TCHH: variants seen among roughly 807,000 people sequenced by gnomAD.
TCHH encodes the protein trichohyalin.
TCHH carries 6 observed loss-of-function variants against 6.3 expected under a neutral mutation model. That is an observed-to-expected ratio of 0.95 (90% CI 0.52 to 1.88). The LOEUF (loss-of-function observed/expected upper bound fraction) is 1.88. Among genes scored for constraint, TCHH ranks in the 40% most tolerant of loss-of-function variants. The pLI, the probability that TCHH is intolerant of heterozygous loss-of-function variation, is 0.01. For missense variants in TCHH, 2,920 were observed against 2,449.1 expected (o/e 1.19, Z -4.06); for synonymous variants, 1,087 against 963.6 (o/e 1.13, Z -2.37).
rs764530129 is a variant in TCHH at position 152,108,215 on chromosome 1, T to C, written c.5002A>G (p.Lys1668Glu). The C allele has an allele frequency of 1.2e-6, 2 of 1,606,578 alleles. No homozygotes were observed. Among genetic ancestry groups the C allele is most frequent in the African/African-American group, 2.8e-5 (2 of 72,610 alleles). ...AGCAGCTGTTCCTCTTCACGGAATT[T>C]TCTGTCGCGGTCGTGACGCAGCTGT... ...EQQLRHDRDRKFREEEQLLQE... is the reference protein window; with the variant it reads ...EQQLRHDRDREFREEEQLLQE... Residue 1668 changes from lysine (K) to glutamate (E), a missense_variant, in exon 3 of 3, where the codon AAA (lysine) becomes GAA (glutamate). By Grantham distance (56) the Lys-to-Glu change is moderately conservative (BLOSUM62 1). Transcript: ENST00000614923.
intron 1 of TCHH, 52 bp from the exon 2 acceptor site, chr1:152,114,163 AAGGCTTCATT>A: frequency 7.4e-7 from 1 of 1,358,184 alleles, no homozygotes; most frequent in Non-Finnish European, 9.9e-7. Context: ...TGCTTTTGGG[AAGGCTTCATT>A]CACACTATTT....
chr1:152,109,301 C>T lies in TCHH; in HGVS notation c.3916G>A (p.Glu1306Lys), dbSNP rs1175537461. ...EEQLEREEQK[E>K]AKRRDRKSQE... ...GACTTCCTGTCGCGCCTTTTGGCTT[C>T]CTTTTGCTCTTCTCGCTCCAGCTGT... The change falls in exon 3 of 3, where the codon GAA (glutamate) becomes AAA (lysine). Residue 1306 changes from glutamate to lysine, a missense_variant. By Grantham distance (56) the Glu-to-Lys change is moderately conservative (BLOSUM62 1). Coordinates refer to ENST00000614923, the MANE Select transcript of TCHH (RefSeq NM_007113.4). The T allele has an allele frequency of 1.2e-6, 2 of 1,614,178 alleles. No homozygotes were observed. The highest frequency in any genetic ancestry group is 1.7e-5 in the Admixed American group (1 of 60,028).
In TCHH at chr1:152,110,832, C is replaced by T. The variant is rs199866326; in HGVS notation, c.2385G>A (p.Glu795=). The T allele has an allele frequency of 2.2e-5, 36 of 1,609,422 alleles. No individual in the cohort carries two copies. The highest frequency in any genetic ancestry group is 2.0e-4 in the Admixed American group (12 of 60,012). ...SARPPLREQR[E]RQLRAEERQQ... ...GGCGCTCCTCGGCCCTCAGCTGCCT[C>T]TCCCGCTGCTCCCGCAATGGGGGCC... The change falls in exon 3 of 3, where the codon GAG becomes GAA. Residue 795 remains glutamate (E), a synonymous_variant. Coordinates refer to ENST00000614923, the MANE Select transcript of TCHH (RefSeq NM_007113.4).
Position 152,114,495 on chromosome 1 carries a change from A to G in TCHH, c.-31-384T>C, listed in dbSNP as rs1177221172. On this transcript the variant is annotated intron_variant, in intron 1 of 2. Transcript: ENST00000614923. Reference sequence around the variant, plus strand: ...TCCTTTAAAGTTGAGCGAAGAGGACAGGTAAAAGCCAAAAGGTGAAGGAAG... The same window carrying G: ...TCCTTTAAAGTTGAGCGAAGAGGACGGGTAAAAGCCAAAAGGTGAAGGAAG... Among the ~76,000 whole-genome samples the G allele has an allele frequency of 2.0e-5, 3 of 152,240 alleles. No homozygotes were observed. In the East Asian group the frequency reaches 5.8e-4, roughly 29 times the overall value.
chr1:152,109,705 C>T lies in TCHH; in HGVS notation c.3512G>A (p.Arg1171His), dbSNP rs754428406. 4 of 1,607,434 alleles carry T rather than the reference C, an allele frequency of 2.5e-6. No individual in the cohort carries two copies. The highest frequency in any genetic ancestry group is 1.7e-5 in the Admixed American group (1 of 59,142). The part of the protein sequence containing the change: ...RRRQELERQY[R>H]EEEELQQEEE... Reference sequence around the variant, plus strand: ...CTCCTGCTGCAGCTCCTCTTCCTCGCGGTATTGCCTCTCCAGCTCCTGGCG... The same window carrying T: ...CTCCTGCTGCAGCTCCTCTTCCTCGTGGTATTGCCTCTCCAGCTCCTGGCG... The change falls in exon 3 of 3, where the codon CGC (arginine) becomes CAC (histidine). Residue 1171 changes from arginine to histidine, a missense_variant. Physicochemically the swap from Arg to His is conservative, Grantham distance 29. Transcript: ENST00000614923.
rs756276855 is a variant in TCHH at position 152,111,863 on chromosome 1, C to T, written c.1354G>A (p.Glu452Lys). 3 of 1,601,910 alleles carry T rather than the reference C, an allele frequency of 1.9e-6. No homozygotes were observed. The highest frequency in any genetic ancestry group is 2.8e-5 in the African/African-American group (2 of 71,798). ...CGCTTCAGCCAATCGCGCCTCTCCT[C>T]CTGCTCGCGCTTCAGCCGCTGCTCG... is the stretch of plus-strand genomic sequence containing the variant. Reference protein sequence around the residue: ...RREQRLKREQEERRDWLKREE... With the variant: ...RREQRLKREQKERRDWLKREE... The change falls in exon 3 of 3, where the codon GAG becomes AAG. Residue 452 changes from glutamate (E) to lysine (K), a missense_variant. Coordinates refer to ENST00000614923, the MANE Select transcript of TCHH (RefSeq NM_007113.4).
rs766973438 is a variant in TCHH, at chr1:152,110,570, T to C, written c.2647A>G (p.Lys883Glu). The C allele has an allele frequency of 1.2e-6, 2 of 1,614,114 alleles. No individual in the cohort carries two copies. The highest frequency in any genetic ancestry group is 1.7e-6 in the Non-Finnish European group (2 of 1,180,012). ...GCGTACAGCGTGTGGCGGCGTCTCT[T>C]CCTTTCTTCTTCTAGTTGCCACCTC... ...KWRWQLEEER[K>E]RRRHTLYAKP... Residue 883 changes from lysine (K) to glutamate (E), a missense_variant, in exon 3 of 3, where the codon AAG (lysine) becomes GAG (glutamate). Lys to Glu is a moderately conservative substitution (Grantham distance 56). Coordinates refer to ENST00000614923, the MANE Select transcript of TCHH (RefSeq NM_007113.4).
chr1:152,108,949 A>G lies in TCHH; in HGVS notation c.4268T>C (p.Leu1423Pro). ...DRKFREEEQQ[L>P]SRQERDRKFR... ...TTTTCTGTCACGCTCTTGGCGGCTC[A>G]GCTGCTGTTCCTCCTCGCGGAATTT... Residue 1423 changes from leucine to proline, a missense_variant, in exon 3 of 3, where the codon CTG (leucine) becomes CCG (proline). Coordinates refer to ENST00000614923, the MANE Select transcript of TCHH (RefSeq NM_007113.4). The G allele has an allele frequency of 6.2e-7, 1 of 1,610,608 alleles. No homozygotes were observed. The highest frequency in any genetic ancestry group is 8.5e-7 in the Non-Finnish European group (1 of 1,179,176).
At chr1:152,113,764 T>C (rs368855660) in intron 2 of TCHH, among the ~76,000 whole-genome samples, 179 bp downstream of exon 2, 22 of 152,326 alleles carry the variant, frequency 1.4e-4, no homozygotes, top group African/African-American at 5.3e-4. Context: ...TGAAATACTT[T>C]ATTATTCAGA....
rs535291908 is a variant in TCHH at position 152,108,033 on chromosome 1, C to T, written c.5184G>A (p.Glu1728=). Residue 1728 remains glutamate, a synonymous_variant, in exon 3 of 3, where the codon GAG becomes GAA. Transcript: ENST00000614923. ...GCTCCGTTTCTTGGCGCAGCTGTTC[C>T]TCCTCACGGAATTTTCTCTCCAGTT... is the stretch of plus-strand genomic sequence containing the variant. ...RQELERKFRE[E]EQLRQETEQE... The T allele has an allele frequency of 8.7e-6, 14 of 1,613,466 alleles. No individual in the cohort carries two copies. The East Asian group carries it at 2.7e-4, about 31-fold the overall frequency.
chr1:152,114,403 C>T (rs2101535629), intron 1 of TCHH, among the ~76,000 whole-genome samples: 1 of 152,216 alleles, frequency 6.6e-6, no homozygotes, highest in Middle Eastern at 3.4e-3. Flanking sequence ...AGCTCTCCAC[C>T]GTATTTCAGA....
chr1:152,114,032 G>T lies in TCHH; in HGVS notation c.49C>A (p.Gln17Lys), dbSNP rs372905932. ...CCATCACAATCATGAGAGACATACT[G>T]ATTGAAAATTTCAGTGATGTCACAG... ...SICDITEIFN[Q>K]YVSHDCDGAA... The change falls in exon 2 of 3, where the codon CAG becomes AAG. Residue 17 changes from glutamine (Q) to lysine (K), a missense_variant. By Grantham distance (53) the Gln-to-Lys change is moderately conservative. Transcript: ENST00000614923. 54 of 1,613,420 alleles carry T rather than the reference G, an allele frequency of 3.3e-5. No homozygotes were observed. In the African/African-American group the frequency reaches 6.7e-4, roughly 20 times the overall value.
In TCHH at chr1:152,112,953, A is replaced by G; in HGVS notation, c.264T>C (p.Ala88=). The change falls in exon 3 of 3, where the codon GCT becomes GCC. Residue 88 remains alanine (A), a synonymous_variant. Transcript: ENST00000614923. The part of the protein sequence containing the change: ...IFKVAQACYY[A]LGQATGLDEE... ...CATCCAGTCCCGTGGCCTGGCCGAGAGCATAGTAACAAGCTTGAGCCACTT... is the reference window on the plus strand; with the variant it reads ...CATCCAGTCCCGTGGCCTGGCCGAGGGCATAGTAACAAGCTTGAGCCACTT... 1 of 1,613,870 alleles carries G rather than the reference A, an allele frequency of 6.2e-7. No individual in the cohort carries two copies. The highest frequency in any genetic ancestry group is 8.5e-7 in the Non-Finnish European group (1 of 1,180,008).
intron 2 of TCHH, 127 bp from the exon 3 acceptor site, chr1:152,113,205 C>T: frequency 1.0e-6 from 1 of 954,338 alleles, no homozygotes; most frequent in Non-Finnish European, 1.5e-6. Flanking sequence ...AGAAAAATGT[C>T]CAGTGTGTAT....
chr1:152,108,714 T>C lies in TCHH; in HGVS notation c.4503A>G (p.Arg1501=), dbSNP rs201209489. 616 of 1,612,612 alleles carry C rather than the reference T, an allele frequency of 3.8e-4. No individual in the cohort carries two copies. Among genetic ancestry groups the C allele is most frequent in the Non-Finnish European group, 4.6e-4 (540 of 1,179,724 alleles). Reference sequence around the variant, plus strand: ...TGCGCAGTTCCTGTTCGCGGAATTTTCTGTCACGCTCTTGGCGGCGCAGCT... The same window carrying C: ...TGCGCAGTTCCTGTTCGCGGAATTTCCTGTCACGCTCTTGGCGGCGCAGCT... ...EQQLRRQERD[R]KFREQELRSQ... is the part of the protein sequence containing the mutation. Residue 1501 remains arginine, a synonymous_variant, in exon 3 of 3, where the codon AGA becomes AGG. Coordinates refer to ENST00000614923, the MANE Select transcript of TCHH (RefSeq NM_007113.4).
At position 152,107,809 on chromosome 1, in the gene TCHH, A is replaced by G. The variant is rs1658153512; in HGVS notation, c.5408T>C (p.Leu1803Pro). The change falls in exon 3 of 3, where the codon CTA becomes CCA. Residue 1803 changes from leucine to proline, a missense_variant. Coordinates refer to ENST00000614923, the MANE Select transcript of TCHH (RefSeq NM_007113.4). ...SDRKFREEEQ[L>P]RQEREEQQLR... The stretch of plus-strand genomic sequence containing the variant: ...CTGCTGTTCTTCCCTCTCCTGGCGT[A>G]GCTGTTCCTCCTCGCGGAATTTTCT... 1 of 1,613,094 alleles carries G rather than the reference A, an allele frequency of 6.2e-7. No individual in the cohort carries two copies. Among genetic ancestry groups the G allele is most frequent in the Non-Finnish European group, 8.5e-7 (1 of 1,179,740 alleles).
chr1:152,111,931 T>C lies in TCHH; in HGVS notation c.1286A>G (p.Gln429Arg), dbSNP rs770531926. The C allele has an allele frequency of 2.5e-6, 4 of 1,581,836 alleles. No homozygotes were observed. Among genetic ancestry groups the C allele is most frequent in the Non-Finnish European group, 3.4e-6 (4 of 1,174,664 alleles). Residue 429 changes from glutamine to arginine, a missense_variant, in exon 3 of 3, where the codon CAG (glutamine) becomes CGG (arginine). Coordinates refer to ENST00000614923, the MANE Select transcript of TCHH (RefSeq NM_007113.4). ...CTTCTGCTCGTGCCTCTCCTCCTCC[T>C]GCTCGCGCCTCAGCTGCTGCTCGCG... is the stretch of plus-strand genomic sequence containing the variant. ...LRREQQLRRE[Q>R]EEERHEQKHE...
Position 152,108,939 on chromosome 1 carries a change from T to G in TCHH, c.4278A>C (p.Gln1426His). ...CTTCACGGAATTTTCTGTCACGCTCTTGGCGGCTCAGCTGCTGTTCCTCCT... is the reference window on the plus strand; with the variant it reads ...CTTCACGGAATTTTCTGTCACGCTCGTGGCGGCTCAGCTGCTGTTCCTCCT... Reference protein sequence around the residue: ...FREEEQQLSRQERDRKFREEE... With the variant: ...FREEEQQLSRHERDRKFREEE... Residue 1426 changes from glutamine (Q) to histidine (H), a missense_variant, in exon 3 of 3, where the codon CAA (glutamine) becomes CAC (histidine). Transcript: ENST00000614923. The G allele has an allele frequency of 6.2e-7, 1 of 1,611,572 alleles. No individual in the cohort carries two copies. Among genetic ancestry groups the G allele is most frequent in the Non-Finnish European group, 8.5e-7 (1 of 1,179,318 alleles).
At position 152,108,506 on chromosome 1, in the gene TCHH, G is replaced by T. The variant is rs1165865123; in HGVS notation, c.4711C>A (p.Gln1571Lys). The change falls in exon 3 of 3, where the codon CAG becomes AAG. Residue 1571 changes from glutamine (Q) to lysine (K), a missense_variant. Physicochemically the swap from Gln to Lys is moderately conservative, Grantham distance 53 (BLOSUM62 1). Transcript: ENST00000614923. ...EQLRQEREEQ[Q>K]LSRQERDRKF... is the part of the protein sequence containing the mutation. ...CTGTCACGCTCTTGGCGGCTCAGCTGCTGTTCCTCCCTCTCCTGGCGCAGC... is the reference window on the plus strand; with the variant it reads ...CTGTCACGCTCTTGGCGGCTCAGCTTCTGTTCCTCCCTCTCCTGGCGCAGC... 1.2e-6 allele frequency: 2 copies of T among 1,611,048 alleles called. No homozygotes were observed. Among genetic ancestry groups the T allele is most frequent in the Non-Finnish European group, 1.7e-6 (2 of 1,179,284 alleles).
Sources: gnomAD v4.1 joint callset for allele counts (sites outside exome capture counted in the v4.1 genomes callset) on GRCh38, gnomAD v4.1.1 for gene constraint, MANE v1.5 for transcripts, NCBI Gene and HGNC (gene_info 2026-07-23, HGNC 2026-07-21) for gene names.